The following AKAP13 variants were observed in gnomAD, a reference collection of about 807,000 sequenced individuals.
The protein encoded by AKAP13 is A-kinase anchoring protein 13, also known as A-kinase anchor protein 13.
In AKAP13, 80 loss-of-function variants were observed where a neutral mutation model predicts 264.5. That is an observed-to-expected ratio of 0.30 (90% CI 0.25 to 0.36). AKAP13 has a LOEUF of 0.36. Ranked by LOEUF, AKAP13 falls within the 10% of genes least tolerant of loss-of-function variation. The probability of loss-of-function intolerance (pLI) is 1.00; values close to 1 mark genes in which losing one functional copy is unlikely to be tolerated. For missense variants in AKAP13, 3,712 were observed against 3,435.2 expected, an observed-to-expected ratio of 1.08 and a Z score of -2.01; for synonymous variants, 1,380 against 1,250.2, an observed-to-expected ratio of 1.10 and a Z score of -2.19.
At chr15:85,628,375 A>G (rs2081530573) in intron 8 of AKAP13, among the ~76,000 whole-genome samples, 1 of 152,214 alleles carries the variant, frequency 6.6e-6, no homozygotes, top group Admixed American at 6.5e-5. Context: ...TGTAGCTGAC[A>G]GCAAGATAGT....
In AKAP13 at chr15:85,735,007, G is replaced by T; in HGVS notation, c.7298G>T (p.Gly2433Val). 1.2e-6 allele frequency: 2 copies of T among 1,614,036 alleles called. No homozygotes were observed. The highest frequency in any genetic ancestry group is 1.7e-6 in the Non-Finnish European group (2 of 1,179,974). Residue 2433 changes from glycine (G) to valine (V), a missense_variant, in exon 31 of 37, where the codon GGT (glycine) becomes GTT (valine). Gly to Val is a moderately radical substitution (Grantham distance 109, BLOSUM62 -3). Coordinates refer to ENST00000394518, the MANE Select transcript of AKAP13 (RefSeq NM_007200.5). ...SAINEVEILQ[G>V]LVSGNLGGTL... ...TTTATTCCAGTGGAGATCCTTCAGGGTTTGGTGAGTGGAAATCTGGGAGGC... is the reference window on the plus strand; with the variant it reads ...TTTATTCCAGTGGAGATCCTTCAGGTTTTGGTGAGTGGAAATCTGGGAGGC...
At chr15:85,623,772 T>G (rs1457149355) in intron 8 of AKAP13, among the ~76,000 whole-genome samples, 1 of 152,252 alleles carries the variant, frequency 6.6e-6, no homozygotes, top group Non-Finnish European at 1.5e-5. Context: ...TTCCTGTTCC[T>G]CTGTATATGA....
intron 32 of AKAP13, 91 bp from the exon 33 acceptor site, chr15:85,735,999 T>A: frequency 1.9e-6 from 2 of 1,053,142 alleles, no homozygotes; most frequent in Non-Finnish European, 2.9e-6. Flanking sequence ...TGGTAGAAAA[T>A]GGAAAGCTAC....
At chr15:85,529,190 G>A (rs2151181060) in intron 3 of AKAP13, among the ~76,000 whole-genome samples, 1 of 152,324 alleles carries the variant, frequency 6.6e-6, no homozygotes, top group East Asian at 1.9e-4. Flanking sequence ...GGGAGGCCTA[G>A]GCGGGCGGAT....
intron 13 of AKAP13, among the ~76,000 whole-genome samples, chr15:85,667,514 AAC>A (rs2083669479): frequency 6.6e-6 from 1 of 152,236 alleles, no homozygotes; most frequent in African/African-American, 2.4e-5. Flanking sequence ...AGGGTAAATA[AAC>A]AGTGAAAAAA....
At chr15:85,483,331 T>C (rs937905727) in intron 1 of AKAP13, among the ~76,000 whole-genome samples, 1 of 152,148 alleles carries the variant, frequency 6.6e-6, no homozygotes, top group Non-Finnish European at 1.5e-5. Context: ...ATTCGTAAAC[T>C]GTCTTAAAAC....
chr15:85,387,736 G>T (rs2070648803), intron 1 of AKAP13, among the ~76,000 whole-genome samples: 1 of 152,098 alleles, frequency 6.6e-6, no homozygotes, highest in Admixed American at 6.5e-5. Context: ...TTAGATTTTT[G>T]ATTAGTGTTT....
intron 1 of AKAP13, among the ~76,000 whole-genome samples, chr15:85,387,927 A>T (rs947809081): frequency 2.6e-5 from 4 of 152,130 alleles, no homozygotes; most frequent in African/African-American, 9.7e-5. Flanking sequence ...ACTCATTTTT[A>T]GTAATAGAAG....
intron 5 of AKAP13, among the ~76,000 whole-genome samples, chr15:85,552,992 T>A (rs1373182471): frequency 6.6e-6 from 1 of 151,936 alleles, no homozygotes; most frequent in Non-Finnish European, 1.5e-5. Flanking sequence ...ATCTACAATT[T>A]AAAAAATTGT....
chr15:85,449,083 G>A (rs1386027965), intron 1 of AKAP13, among the ~76,000 whole-genome samples: 1 of 152,006 alleles, frequency 6.6e-6, no homozygotes, highest in Non-Finnish European at 1.5e-5. Flanking sequence ...TCTTTGAGCA[G>A]TATTTTATAA....
At position 85,580,633 on chromosome 15, in the gene AKAP13, G is replaced by A. The variant is rs767260937; in HGVS notation, c.2565G>A (p.Glu855=). ...VGLSTSSTAA[E]LQHGMGNTSL... Reference sequence around the variant, plus strand: ...TGTCCACATCCTCCACTGCTGCAGAGCTTCAGCACGGGATGGGGAATACCA... The same window carrying A: ...TGTCCACATCCTCCACTGCTGCAGAACTTCAGCACGGGATGGGGAATACCA... Residue 855 remains glutamate (E), a synonymous_variant, in exon 7 of 37, where the codon GAG becomes GAA. Transcript: ENST00000394518. The A allele has an allele frequency of 6.2e-7, 1 of 1,614,228 alleles. No homozygotes were observed. Among genetic ancestry groups the A allele is most frequent in the Non-Finnish European group, 8.5e-7 (1 of 1,180,036 alleles).
intron 4 of AKAP13, among the ~76,000 whole-genome samples, chr15:85,540,835 A>G (rs927840800): frequency 1.3e-5 from 2 of 152,250 alleles, no homozygotes; most frequent in Non-Finnish European, 2.9e-5. Flanking sequence ...CTGGGGGTAT[A>G]TGCATGCGGT....
intron 1 of AKAP13, among the ~76,000 whole-genome samples, chr15:85,413,533 A>T (rs1438462160): frequency 6.6e-6 from 1 of 152,198 alleles, no homozygotes; most frequent in African/African-American, 2.4e-5. Flanking sequence ...AGGTGAAGAG[A>T]ATAGCACCAT....
intron 8 of AKAP13, chr15:85,620,234 C>T (rs541833023): frequency 3.7e-5 from 54 of 1,477,376 alleles, no homozygotes; most frequent in African/African-American, 2.9e-4. Context: ...GCTTTGAACC[C>T]GGTAGCCATG....
chr15:85,695,269 T>C (rs2085502525), intron 17 of AKAP13, among the ~76,000 whole-genome samples: 1 of 152,166 alleles, frequency 6.6e-6, no homozygotes, highest in Non-Finnish European at 1.5e-5. Flanking sequence ...CTGGGCTTTG[T>C]GACACGTGCC....
At chr15:85,697,429 C>G (rs11630923) in intron 17 of AKAP13, among the ~76,000 whole-genome samples, 28,738 of 152,110 alleles carry the variant, frequency 0.19, 3,574 homozygotes, top group Middle Eastern at 0.41. Flanking sequence ...ATTAGCCAGG[C>G]TTGGTGGCGT....
At chr15:85,599,865 A>G (rs550144299) in intron 8 of AKAP13, among the ~76,000 whole-genome samples, 5 of 152,278 alleles carry the variant, frequency 3.3e-5, no homozygotes, top group East Asian at 1.9e-4. Flanking sequence ...GTGAGACCCC[A>G]TCTCTATTTT....
chr15:85,652,630 G>A (rs892124673), intron 10 of AKAP13, among the ~76,000 whole-genome samples: 14 of 152,232 alleles, frequency 9.2e-5, no homozygotes, highest in Admixed American at 1.3e-4. Context: ...GAAGCTGGGC[G>A]GCTGAAAACA....
chr15:85,525,144 C>A (rs1223486464), intron 3 of AKAP13, among the ~76,000 whole-genome samples: 1 of 149,584 alleles, frequency 6.7e-6, no homozygotes, highest in South Asian at 2.1e-4. Flanking sequence ...CTGCAAGCTC[C>A]GCCTCTTGGG....
Sources: allele counts gnomAD v4.1 joint callset (sites outside exome capture counted in the v4.1 genomes callset), GRCh38; gene constraint gnomAD v4.1.1; transcripts MANE v1.5; gene names NCBI Gene and HGNC (gene_info 2026-07-23, HGNC 2026-07-21).